Variants in STPG4 observed in about 807,000 individuals in gnomAD.
STPG4 encodes protein STPG4.
In STPG4, 41 loss-of-function variants were observed where a neutral mutation model predicts 31.5. That is an observed-to-expected ratio of 1.30 (90% CI 1.01 to 1.69). The LOEUF (loss-of-function observed/expected upper bound fraction) is 1.69. STPG4 is among the 40% of genes most tolerant of loss of function. The probability of loss-of-function intolerance (pLI) is 0.00; values close to 1 mark genes in which losing one functional copy is unlikely to be tolerated. For missense variants in STPG4, 375 were observed against 293.4 expected (o/e 1.28, Z -2.03); for synonymous variants, 141 against 103.0 (o/e 1.37, Z -2.24).
At chr2:47,120,396 G>A (rs923339868) in intron 5 of STPG4, among the ~76,000 whole-genome samples, 3 of 152,082 alleles carry the variant, frequency 2.0e-5, no homozygotes, top group Non-Finnish European at 4.4e-5. Context: ...CTGGCTTGTG[G>A]GTGTGACTTT....
At chr2:47,104,064 T>C (rs1039710772) in intron 5 of STPG4, among the ~76,000 whole-genome samples, 3 of 151,918 alleles carry the variant, frequency 2.0e-5, no homozygotes, top group African/African-American at 4.9e-5. Context: ...TAGGGAGAGA[T>C]ATATTAGCCA....
chr2:47,097,306 C>A (rs763559757), intron 5 of STPG4, among the ~76,000 whole-genome samples: 16 of 152,132 alleles, frequency 1.1e-4, no homozygotes, highest in Non-Finnish European at 2.2e-4. Context: ...TTAAAAAAAT[C>A]ATCCTTCCCC....
At chr2:47,097,144 C>A (rs934614124) in intron 5 of STPG4, among the ~76,000 whole-genome samples, 4 of 152,070 alleles carry the variant, frequency 2.6e-5, no homozygotes, top group Non-Finnish European at 5.9e-5. Context: ...GATTTTTAAT[C>A]ATTACTATGT....
intron 3 of STPG4, among the ~76,000 whole-genome samples, chr2:47,138,360 T>C (rs1357199592): frequency 1.3e-5 from 2 of 152,150 alleles, no homozygotes; most frequent in African/African-American, 4.8e-5. Flanking sequence ...AGAGCAGACA[T>C]TGTATAATTT....
intron 5 of STPG4, chr2:47,121,020 T>A (rs900134904): frequency 6.5e-6 from 1 of 152,688 alleles, no homozygotes; most frequent in South Asian, 2.1e-4. Flanking sequence ...GACCTGGCAG[T>A]GTAGAGAAGG....
chr2:47,137,687 T>C (rs1686622940), intron 3 of STPG4, among the ~76,000 whole-genome samples: 1 of 152,226 alleles, frequency 6.6e-6, no homozygotes, highest in African/African-American at 2.4e-5. Context: ...CTATTTCTTT[T>C]CATGTCAGTT....
At chr2:47,097,133 G>A (rs1166729835) in intron 5 of STPG4, among the ~76,000 whole-genome samples, 6 of 151,990 alleles carry the variant, frequency 3.9e-5, no homozygotes, top group Admixed American at 3.9e-4. Flanking sequence ...TGTGCAAAAG[G>A]GATTTTTAAT....
chr2:47,087,383 G>C (rs1037806523), intron 6 of STPG4, among the ~76,000 whole-genome samples: 4 of 152,244 alleles, frequency 2.6e-5, no homozygotes, highest in African/African-American at 9.6e-5. Context: ...GGGCCACCTA[G>C]AACCTGCTGG....
chr2:47,142,075 C>A (rs1447872603), intron 3 of STPG4, among the ~76,000 whole-genome samples: 1 of 151,422 alleles, frequency 6.6e-6, no homozygotes, highest in East Asian at 1.9e-4. Context: ...ATGGAGCATT[C>A]TGCAAATTAA....
At chr2:47,134,466 T>C (rs1329095603) in intron 3 of STPG4, among the ~76,000 whole-genome samples, 1 of 152,254 alleles carries the variant, frequency 6.6e-6, no homozygotes, top group African/African-American at 2.4e-5. Flanking sequence ...ATGCAGCCTT[T>C]TCAGATTGGC....
At chr2:47,091,174 G>A (rs943800622) in intron 5 of STPG4, among the ~76,000 whole-genome samples, 16 of 149,714 alleles carry the variant, frequency 1.1e-4, no homozygotes, top group African/African-American at 3.7e-4. Context: ...GGGAGGGAGG[G>A]GAAGGAAGGA....
intron 5 of STPG4, among the ~76,000 whole-genome samples, chr2:47,098,481 G>T (rs1441337244): frequency 1.3e-5 from 2 of 152,174 alleles, no homozygotes; most frequent in Non-Finnish European, 2.9e-5. Flanking sequence ...GGGCTGGAAA[G>T]TATCAGTAGT....
chr2:47,087,117 G>A lies in STPG4; in HGVS notation c.638C>T (p.Pro213Leu), dbSNP rs1319899042. The A allele has an allele frequency of 1.3e-6, 2 of 1,551,764 alleles. No individual in the cohort carries two copies. The highest frequency in any genetic ancestry group is 2.0e-5 in the Admixed American group (1 of 50,998). The change falls in exon 7 of 7, where the codon CCA (proline) becomes CTA (leucine). Residue 213 changes from proline (P) to leucine (L), a missense_variant. Transcript: ENST00000445927. ...TTGTCTTAAAGTTGTATATGCTCCT[G>A]GGCCTGGGGTTTTCTGAAAACAGAG... ...FLPSCSKTPGPGAYTTLRQFP... is the reference protein window; with the variant it reads ...FLPSCSKTPGLGAYTTLRQFP...
chr2:47,092,604 GGAGGGGAGAGGAGGAGAAAGGGAGCA>G, intron 5 of STPG4, among the ~76,000 whole-genome samples: 1 of 129,470 alleles, frequency 7.7e-6, no homozygotes. Context: ...AGGGAGAAGG[GGAGGGGAGAGGAGGAGAAAGGGAGCA>G]GAGGGGAGAG....
chr2:47,151,572 C>T lies in STPG4; in HGVS notation c.142-57G>A, dbSNP rs1023908007. 6 of 1,488,570 alleles carry T rather than the reference C, an allele frequency of 4.0e-6. No individual in the cohort carries two copies. The African/African-American group carries it at 5.6e-5, about 14-fold the overall frequency. The allele number at this position is 1,488,570 out of a possible 1,614,324, so 92.2% of individuals were successfully genotyped here. A position where few individuals can be genotyped will look rare whatever the true frequency, so the allele number is the denominator to read the frequency against. On this transcript the variant is annotated intron_variant, in intron 2 of 6. Transcript: ENST00000445927. Reference sequence around the variant, plus strand: ...TGTAAACATGTAACTTCTCCTAAAACACCATTCTTGGATGGGAAGCTCCCA... The same window carrying T: ...TGTAAACATGTAACTTCTCCTAAAATACCATTCTTGGATGGGAAGCTCCCA...
chr2:47,115,603 G>T (rs1315181546), intron 5 of STPG4, among the ~76,000 whole-genome samples: 3 of 147,016 alleles, frequency 2.0e-5, no homozygotes, highest in Non-Finnish European at 4.5e-5. Flanking sequence ...TTTCAACCAG[G>T]TTTCCATCCT....
intron 5 of STPG4, among the ~76,000 whole-genome samples, chr2:47,107,606 T>A (rs868466149): frequency 2.0e-5 from 3 of 152,036 alleles, no homozygotes; most frequent in Non-Finnish European, 4.4e-5. Flanking sequence ...CCCTGATGAG[T>A]GCCGCCCCCT....
intron 3 of STPG4, among the ~76,000 whole-genome samples, chr2:47,134,724 G>A (rs935833674): frequency 3.9e-5 from 6 of 152,168 alleles, no homozygotes; most frequent in Non-Finnish European, 8.8e-5. Flanking sequence ...AAATACTATG[G>A]AGCACAACTG....
rs199753447 is a variant in STPG4 at position 47,122,911 on chromosome 2, C to T, written c.519+7030G>A. Among the ~76,000 whole-genome samples the T allele has an allele frequency of 3.3e-5, 5 of 152,202 alleles. No individual in the cohort carries two copies. The East Asian group carries it at 9.6e-4, about 29-fold the overall frequency. ...TGTGATCTTGGCTCACTGCAACCTC[C>T]GCCTCCCGGATTCAAGCCATTCTCC... On this transcript the variant is annotated intron_variant, in intron 5 of 6. Coordinates refer to ENST00000445927, the MANE Select transcript of STPG4 (RefSeq NM_001163561.2).
Sources: allele counts gnomAD v4.1 joint callset (sites outside exome capture counted in the v4.1 genomes callset), GRCh38; gene constraint gnomAD v4.1.1; transcripts MANE v1.5; gene names NCBI Gene and HGNC (gene_info 2026-07-23, HGNC 2026-07-21).